Variants in TLN2 observed in about 807,000 individuals in gnomAD.
TLN2 encodes talin-2.
Under a neutral mutation model 294.7 loss-of-function variants are expected in TLN2, and 118 were observed. That is an observed-to-expected ratio of 0.40 (90% CI 0.34 to 0.47). The LOEUF is 0.47. Among genes scored for constraint, TLN2 ranks in the 20% least tolerant of loss-of-function variants. The probability of loss-of-function intolerance (pLI) is 0.84; values close to 1 mark genes in which losing one functional copy is unlikely to be tolerated. For synonymous variants in TLN2, 1,431 were observed against 1,304.5 expected (o/e 1.10, Z -2.09); for missense variants, 3,083 against 3,282.2 (o/e 0.94, Z 1.48).
rs2053513061 is a variant in TLN2 at position 62,658,802 on chromosome 15, G to A, written c.788+904G>A. 2.0e-5 allele frequency among the ~76,000 whole-genome samples: 3 copies of A among 152,184 alleles called. No homozygotes were observed. The South Asian group carries it at 6.2e-4, about 31-fold the overall frequency. Reference sequence around the variant, plus strand: ...GCCATGTGCACAAGTTCCTTTAGCAGTTTCCACGTTCCCACCTTCTAGCCT... The same window carrying A: ...GCCATGTGCACAAGTTCCTTTAGCAATTTCCACGTTCCCACCTTCTAGCCT... On this transcript the variant is annotated intron_variant, in intron 9 of 58. Transcript: ENST00000636159.
intron 3 of TLN2, among the ~76,000 whole-genome samples, chr15:62,642,954 G>A (rs966581064): frequency 6.6e-6 from 1 of 152,074 alleles, no homozygotes; most frequent in African/African-American, 2.4e-5. Flanking sequence ...TGCCCAACTC[G>A]GCCTCCCAAA....
chr15:62,487,854 G>A (rs1205853109), intron 1 of TLN2, among the ~76,000 whole-genome samples: 3 of 152,070 alleles, frequency 2.0e-5, no homozygotes, highest in African/African-American at 7.2e-5. Flanking sequence ...AGTGAGCTGA[G>A]ATCGCACCAC....
rs114132720 is a variant in TLN2, at chr15:62,754,239, T to A, written c.4476+323T>A. On this transcript the variant is annotated intron_variant, in intron 36 of 58. Coordinates refer to ENST00000636159, the MANE Select transcript of TLN2 (RefSeq NM_015059.3). The stretch of plus-strand genomic sequence containing the variant: ...TGTGCTTAGCTGTAAGGGTTCAATG[T>A]GCGCAGGGCTCCGTTTTCTACCCCT... 9.8e-3 allele frequency: 1,926 copies of A among 197,030 alleles called. 37 individuals are homozygous for A. Among genetic ancestry groups the A allele is most frequent in the African/African-American group, 0.042 (1,810 of 43,172 alleles). The allele number at this position is 197,030 out of a possible 1,614,324, so 12.2% of individuals were successfully genotyped here.
chr15:62,399,250 C>T (rs1299003105), intron 1 of TLN2, among the ~76,000 whole-genome samples: 1 of 26,942 alleles, frequency 3.7e-5, no homozygotes, highest in African/African-American at 9.5e-5. Flanking sequence ...GAGACTCCGT[C>T]TCAAACAAAA....
intron 1 of TLN2, among the ~76,000 whole-genome samples, chr15:62,455,282 C>T (rs115611853): frequency 0.012 from 1,840 of 151,836 alleles, 34 homozygotes; most frequent in African/African-American, 0.043. Context: ...ATGGAGGGGA[C>T]GTGATGGGGA....
chr15:62,836,190 G>A (rs1399694467), intron 57 of TLN2, 117 bp downstream of exon 57: 1 of 1,419,054 alleles, frequency 7.0e-7, no homozygotes, highest in Non-Finnish European at 9.5e-7. Context: ...AGCCAGCCCT[G>A]TCCACGTTCC....
At chr15:62,489,279 T>C (rs1438412654) in intron 1 of TLN2, among the ~76,000 whole-genome samples, 1 of 152,214 alleles carries the variant, frequency 6.6e-6, no homozygotes, top group Non-Finnish European at 1.5e-5. Flanking sequence ...TCCTTTGGTA[T>C]CTTCAATGAT....
At chr15:62,780,874 G>A (rs1316072191) in intron 43 of TLN2, among the ~76,000 whole-genome samples, 1 of 151,976 alleles carries the variant, frequency 6.6e-6, no homozygotes, top group Non-Finnish European at 1.5e-5. Flanking sequence ...TCTTCGCCTG[G>A]TAAGACTTGG....
At chr15:62,836,460 T>G (rs2069604904) in intron 57 of TLN2, among the ~76,000 whole-genome samples, 1 of 152,254 alleles carries the variant, frequency 6.6e-6, no homozygotes, top group East Asian at 1.9e-4. Context: ...ACTGTAGGTC[T>G]GTCTGTGAGC....
intron 42 of TLN2, among the ~76,000 whole-genome samples, chr15:62,774,855 T>A (rs1349277637): frequency 6.6e-6 from 1 of 152,052 alleles, no homozygotes; most frequent in Non-Finnish European, 1.5e-5. Context: ...TTCTGAACCT[T>A]CCTGAGCCTG....
chr15:62,565,015 C>G (rs2043284851), intron 1 of TLN2, among the ~76,000 whole-genome samples: 2 of 151,574 alleles, frequency 1.3e-5, no homozygotes, highest in African/African-American at 4.9e-5. Context: ...GCATAATTCC[C>G]CCAGAGGAGG....
At chr15:62,778,326 G>C in intron 43 of TLN2, among the ~76,000 whole-genome samples, 1 of 152,200 alleles carries the variant, frequency 6.6e-6, no homozygotes, top group African/African-American at 2.4e-5. Context: ...CCTCTTCTGC[G>C]GGCCCTTGGA....
At chr15:62,641,509 G>A (rs867710729) in intron 3 of TLN2, among the ~76,000 whole-genome samples, 7 of 151,958 alleles carry the variant, frequency 4.6e-5, no homozygotes, top group African/African-American at 1.2e-4. Flanking sequence ...CCAGCTACTC[G>A]GGAGGCTGAG....
intron 3 of TLN2, among the ~76,000 whole-genome samples, chr15:62,627,429 T>C (rs2049378691): frequency 6.6e-6 from 1 of 152,210 alleles, no homozygotes; most frequent in South Asian, 2.1e-4. Context: ...GGGAATTAGG[T>C]AAGTATAATC....
At chr15:62,393,158 AG>A (rs1342273273) in intron 1 of TLN2, among the ~76,000 whole-genome samples, 2 of 152,220 alleles carry the variant, frequency 1.3e-5, no homozygotes, top group Non-Finnish European at 2.9e-5. Context: ...TCACAGAAAC[AG>A]GTCTCTTCAT....
chr15:62,610,041 T>C (rs538066655), intron 2 of TLN2, among the ~76,000 whole-genome samples: 2 of 152,218 alleles, frequency 1.3e-5, no homozygotes, highest in Admixed American at 1.3e-4. Context: ...CAGACTCATC[T>C]TGTACTTACC....
rs146020840 is a variant in TLN2, at chr15:62,726,266, A to C, written c.3256-821A>C. ...ATTGTGTTGTAACATATTGTTTGCTATAATGGACCAGGCTCTATTTTTATT... is the reference window on the plus strand; with the variant it reads ...ATTGTGTTGTAACATATTGTTTGCTCTAATGGACCAGGCTCTATTTTTATT... On this transcript the variant is annotated intron_variant, in intron 27 of 58. Transcript: ENST00000636159. Among the ~76,000 whole-genome samples the C allele has an allele frequency of 1.5e-3, 228 of 152,360 alleles. 1 individual carries two copies. The highest frequency in any genetic ancestry group is 5.3e-3 in the African/African-American group (221 of 41,586).
chr15:62,720,172 A>C (rs2060040735), intron 25 of TLN2, among the ~76,000 whole-genome samples: 1 of 152,236 alleles, frequency 6.6e-6, no homozygotes, highest in African/African-American at 2.4e-5. Context: ...AAATGTTGCA[A>C]GTTGTGATGA....
intron 1 of TLN2, among the ~76,000 whole-genome samples, chr15:62,478,455 G>A (rs917563730): frequency 5.9e-5 from 9 of 152,168 alleles, no homozygotes; most frequent in Admixed American, 5.9e-4. Flanking sequence ...TCCTTGAGGT[G>A]GGGGAGAAAC....
Sources: gnomAD v4.1 joint callset for allele counts (sites outside exome capture counted in the v4.1 genomes callset) on GRCh38, gnomAD v4.1.1 for gene constraint, MANE v1.5 for transcripts, NCBI Gene and HGNC (gene_info 2026-07-23, HGNC 2026-07-21) for gene names.